The following VPS13B variants were observed in gnomAD, a reference collection of about 807,000 sequenced individuals.
The protein encoded by VPS13B is intermembrane lipid transfer protein VPS13B.
A neutral mutation model predicts 426.4 loss-of-function variants in VPS13B; 285 were observed. That is an observed-to-expected ratio of 0.67 (90% CI 0.61 to 0.74). VPS13B has a LOEUF of 0.74. VPS13B is among the 30% of genes least tolerant of loss of function. The probability of loss-of-function intolerance (pLI) is 0.00; values close to 1 mark genes in which losing one functional copy is unlikely to be tolerated. For synonymous variants in VPS13B, 1,676 were observed against 1,676.4 expected (o/e 1.00, Z 0.01); for missense variants, 4,537 against 4,782.6 (o/e 0.95, Z 1.51).
At chr8:99,093,166 A>C (rs181961228) in intron 3 of VPS13B, among the ~76,000 whole-genome samples, 8 of 152,164 alleles carry the variant, frequency 5.3e-5, no homozygotes, top group African/African-American at 1.7e-4. Context: ...TCTTTAATTA[A>C]GACAACAGGA....
At chr8:99,685,179 G>A (rs1400220974) in intron 35 of VPS13B, among the ~76,000 whole-genome samples, 1 of 152,174 alleles carries the variant, frequency 6.6e-6, no homozygotes, top group Non-Finnish European at 1.5e-5. Flanking sequence ...AATATACCTA[G>A]GTCTTGAAAC....
intron 33 of VPS13B, among the ~76,000 whole-genome samples, chr8:99,583,458 G>A (rs1189352139): frequency 6.6e-6 from 1 of 152,088 alleles, no homozygotes; most frequent in African/African-American, 2.4e-5. Flanking sequence ...AATGCATTGG[G>A]CTTTTTTGCT....
chr8:99,766,757 TTTTTA>T lies in VPS13B; in HGVS notation c.7051-11_7051-7del, dbSNP rs1345403910. On this transcript the variant is annotated splice_polypyrimidine_tract_variant and intron_variant, in intron 39 of 61. Transcript: ENST00000357162. ...GTTTCTATTTGCAACTTCTAAATTT[TTTTTA>T]TTTTAACATAGGTTCCTTGTAGCTT... The T allele has an allele frequency of 1.2e-6, 2 of 1,607,000 alleles. No homozygotes were observed. Among genetic ancestry groups the T allele is most frequent in the African/African-American group, 2.7e-5 (2 of 74,520 alleles).
intron 33 of VPS13B, among the ~76,000 whole-genome samples, chr8:99,584,913 A>G (rs1826233468): frequency 6.6e-6 from 1 of 152,230 alleles, no homozygotes; most frequent in Non-Finnish European, 1.5e-5. Flanking sequence ...AGACAATAAT[A>G]AATATTTGGA....
At chr8:99,263,737 T>G (rs995717677) in intron 17 of VPS13B, among the ~76,000 whole-genome samples, 1 of 152,192 alleles carries the variant, frequency 6.6e-6, no homozygotes, top group Non-Finnish European at 1.5e-5. Context: ...CATCTCCCTA[T>G]TTCAAGGTCA....
chr8:99,158,819 A>G (rs541422102), intron 15 of VPS13B, among the ~76,000 whole-genome samples: 58 of 152,284 alleles, frequency 3.8e-4, no homozygotes, highest in Non-Finnish European at 6.0e-4. Context: ...GTACAGGGAG[A>G]TGCACATTGT....
chr8:99,134,791 T>C (rs1024988146), intron 9 of VPS13B, 64 bp downstream of exon 9: 13 of 1,350,492 alleles, frequency 9.6e-6, no homozygotes, highest in Non-Finnish European at 1.4e-5. Context: ...TATAAATACC[T>C]GTTTTTATCA....
Position 99,699,796 on chromosome 8 carries a change from T to C in VPS13B, c.6318T>C (p.Phe2106=). 1 of 1,613,774 alleles carries C rather than the reference T, an allele frequency of 6.2e-7. No individual in the cohort carries two copies. Among genetic ancestry groups the C allele is most frequent in the East Asian group, 2.2e-5 (1 of 44,862 alleles). The part of the protein sequence containing the change: ...QENMWRAVSC[F]QKISVQTTQI... Reference sequence around the variant, plus strand: ...ACATGTGGAGAGCTGTTTCCTGCTTTCAAAAAATTTCTGTTCAAACTACTC... The same window carrying C: ...ACATGTGGAGAGCTGTTTCCTGCTTCCAAAAAATTTCTGTTCAAACTACTC... Residue 2106 remains phenylalanine (F), a synonymous_variant, in exon 36 of 62, where the codon TTT becomes TTC. Coordinates refer to ENST00000357162, the MANE Select transcript of VPS13B (RefSeq NM_152564.5).
chr8:99,870,715 G>T (rs1817352341), intron 59 of VPS13B, 70 bp from the exon 60 acceptor site: 4 of 1,406,140 alleles, frequency 2.8e-6, no homozygotes, highest in Non-Finnish European at 4.0e-6. Context: ...CTGAACAGAT[G>T]ACATCATTGC....
At chr8:99,715,637 C>T (rs1832887089) in intron 36 of VPS13B, among the ~76,000 whole-genome samples, 1 of 152,120 alleles carries the variant, frequency 6.6e-6, no homozygotes. Context: ...GACTATCACA[C>T]TAAGATTACA....
At chr8:99,815,653 G>GCGTA (rs1261030128) in intron 44 of VPS13B, among the ~76,000 whole-genome samples, 1 of 142,666 alleles carries the variant, frequency 7.0e-6, no homozygotes, top group African/African-American at 2.8e-5. Flanking sequence ...TACATATACT[G>GCGTA]TGTATGTGTG....
At chr8:99,366,536 T>TG (rs1812901530) in intron 19 of VPS13B, among the ~76,000 whole-genome samples, 2 of 150,980 alleles carry the variant, frequency 1.3e-5, no homozygotes, top group Non-Finnish European at 3.0e-5. Context: ...TTTGTTTTTT[T>TG]TTTTTTAATC....
chr8:99,107,573 T>C (rs1039529984), intron 5 of VPS13B, among the ~76,000 whole-genome samples: 35 of 152,186 alleles, frequency 2.3e-4, no homozygotes, highest in African/African-American at 8.2e-4. Flanking sequence ...ATCTAATCTT[T>C]TCTACTATTA....
chr8:99,728,113 C>A (rs1431922916), intron 39 of VPS13B, among the ~76,000 whole-genome samples: 3 of 152,188 alleles, frequency 2.0e-5, no homozygotes, highest in Non-Finnish European at 2.9e-5. Context: ...AATAACATAA[C>A]TTGGCATTTT....
intron 22 of VPS13B, among the ~76,000 whole-genome samples, chr8:99,436,404 CTAAT>C (rs1817377598): frequency 1.3e-5 from 2 of 151,948 alleles, no homozygotes; most frequent in African/African-American, 4.8e-5. Flanking sequence ...TTTTTAATCT[CTAAT>C]TATGGTAAAA....
intron 35 of VPS13B, among the ~76,000 whole-genome samples, chr8:99,667,249 G>T (rs2129838058): frequency 6.6e-6 from 1 of 152,202 alleles, no homozygotes; most frequent in African/African-American, 2.4e-5. Context: ...TGTACTTTTT[G>T]TAGCAAGTTT....
chr8:99,305,187 A>T (rs1320232447), intron 19 of VPS13B, among the ~76,000 whole-genome samples: 5 of 152,060 alleles, frequency 3.3e-5, no homozygotes, highest in Admixed American at 1.3e-4. Context: ...CTTCTCCTTT[A>T]CATTCTGTAA....
At chr8:99,394,741 A>T (rs1181671857) in intron 21 of VPS13B, among the ~76,000 whole-genome samples, 1 of 152,198 alleles carries the variant, frequency 6.6e-6, no homozygotes, top group Non-Finnish European at 1.5e-5. Context: ...TACTTAAGAG[A>T]TATAAACCAT....
At chr8:99,360,155 TTTC>T (rs1812440388) in intron 19 of VPS13B, among the ~76,000 whole-genome samples, 3 of 36,076 alleles carry the variant, frequency 8.3e-5, no homozygotes, top group East Asian at 1.2e-3. Flanking sequence ...TCTTTCTTTC[TTTC>T]TTTCTTTCTT....
Sources: gnomAD v4.1 joint callset for allele counts (sites outside exome capture counted in the v4.1 genomes callset) on GRCh38, gnomAD v4.1.1 for gene constraint, MANE v1.5 for transcripts, NCBI Gene and HGNC (gene_info 2026-07-23, HGNC 2026-07-21) for gene names.